Variants in TNIK observed in about 807,000 individuals in gnomAD.
TNIK encodes the protein TRAF2 and NCK-interacting protein kinase.
A neutral mutation model predicts 191.3 loss-of-function variants in TNIK; 49 were observed. That is an observed-to-expected ratio of 0.26 (90% CI 0.20 to 0.32). TNIK has a LOEUF of 0.32. TNIK is among the 10% of genes least tolerant of loss of function. The pLI, the probability that TNIK is intolerant of heterozygous loss-of-function variation, is 1.00. For missense variants in TNIK, 1,155 were observed against 1,702.3 expected, an observed-to-expected ratio of 0.68 and a Z score of 5.66; for synonymous variants, 594 against 600.9, an observed-to-expected ratio of 0.99 and a Z score of 0.17.
At chr3:171,194,258 C>G (rs1738394349) in intron 5 of TNIK, among the ~76,000 whole-genome samples, 1 of 151,964 alleles carries the variant, frequency 6.6e-6, no homozygotes, top group African/African-American at 2.4e-5. Flanking sequence ...AAAATGAATC[C>G]CTTGTTAAGA....
chr3:171,116,528 C>G (rs1251494065), intron 18 of TNIK, among the ~76,000 whole-genome samples: 3 of 152,164 alleles, frequency 2.0e-5, no homozygotes, highest in African/African-American at 7.2e-5. Flanking sequence ...AATTTTGTGG[C>G]CCAAATACTT....
At chr3:171,167,713 G>A (rs549093065) in intron 9 of TNIK, among the ~76,000 whole-genome samples, 25 of 152,268 alleles carry the variant, frequency 1.6e-4, no homozygotes, top group African/African-American at 6.0e-4. Context: ...TGAGAATAAT[G>A]TATGTTGGGG....
At chr3:171,145,087 T>TCTCC (rs1249808383) in intron 12 of TNIK, among the ~76,000 whole-genome samples, 1 of 108,176 alleles carries the variant, frequency 9.2e-6, no homozygotes, top group East Asian at 2.3e-4. Context: ...GCTATCTCTC[T>TCTCC]CTTTTTTTTT....
In TNIK at chr3:171,087,388, A is replaced by C; in HGVS notation, c.2840T>G (p.Leu947Arg). Reference protein sequence around the residue: ...HSPAGTPTEGLGRVSTHSQEM... With the variant: ...HSPAGTPTEGRGRVSTHSQEM... ...CTGGGAATGGGTTGAGACGCGCCCC[A>C]GTCCCTCAGTCGGGGTTCCAGCTGG... is the stretch of plus-strand genomic sequence containing the variant. The change falls in exon 24 of 33, where the codon CTG becomes CGG. Residue 947 changes from leucine to arginine, a missense_variant. Transcript: ENST00000436636. 3 of 1,613,992 alleles carry C rather than the reference A, an allele frequency of 1.9e-6. No homozygotes were observed. The highest frequency in any genetic ancestry group is 2.5e-6 in the Non-Finnish European group (3 of 1,179,888).
At chr3:171,388,962 C>T (rs1212784799) in intron 1 of TNIK, among the ~76,000 whole-genome samples, 1 of 152,092 alleles carries the variant, frequency 6.6e-6, no homozygotes, top group African/African-American at 2.4e-5. Flanking sequence ...CAGTGTTACA[C>T]AAAGGAGTTG....
At chr3:171,227,066 G>A (rs1743050869) in intron 3 of TNIK, among the ~76,000 whole-genome samples, 1 of 151,986 alleles carries the variant, frequency 6.6e-6, no homozygotes, top group African/African-American at 2.4e-5. Flanking sequence ...TAGCTTTCAT[G>A]TACAGCAGAC....
intron 1 of TNIK, among the ~76,000 whole-genome samples, chr3:171,372,459 G>A (rs903616226): frequency 5.3e-5 from 8 of 152,166 alleles, no homozygotes; most frequent in Non-Finnish European, 1.0e-4. Flanking sequence ...AACACCTGCC[G>A]GGGAGTAAAG....
At position 171,334,137 on chromosome 3, in the gene TNIK, G is replaced by C. The variant is rs547221701; in HGVS notation, c.123+35483C>G. Among the ~76,000 whole-genome samples the C allele has an allele frequency of 3.3e-5, 5 of 152,196 alleles. No individual in the cohort carries two copies. In the South Asian group the frequency reaches 1.0e-3, roughly 31 times the overall value. On this transcript the variant is annotated intron_variant, in intron 2 of 32. Transcript: ENST00000436636. ...GGCTGATCACAATGACTGTGCACCA[G>C]ACACCAGGGTGCTTGTCCTAGAACA...
At chr3:171,283,230 G>C (rs1560370091) in intron 2 of TNIK, among the ~76,000 whole-genome samples, 2 of 150,852 alleles carry the variant, frequency 1.3e-5, no homozygotes, top group Non-Finnish European at 2.9e-5. Context: ...CGTGTCTGGA[G>C]AGAAGGAACT....
chr3:171,178,380 A>G (rs569507931), intron 7 of TNIK, among the ~76,000 whole-genome samples: 1 of 152,348 alleles, frequency 6.6e-6, no homozygotes, highest in South Asian at 2.1e-4. Context: ...AGGTACTCAA[A>G]GTATTTGTTG....
chr3:171,079,732 A>G (rs114275242), intron 27 of TNIK, 80 bp from the exon 28 acceptor site: 55,445 of 1,444,906 alleles, frequency 0.038, 1,278 homozygotes, highest in Non-Finnish European at 0.043. Context: ...TTTATTTCTA[A>G]TTTATTTTAT....
At chr3:171,300,897 A>C (rs1752808557) in intron 2 of TNIK, among the ~76,000 whole-genome samples, 1 of 152,194 alleles carries the variant, frequency 6.6e-6, no homozygotes, top group Admixed American at 6.5e-5. Flanking sequence ...AGTAACAATT[A>C]GTGTTCAATT....
At chr3:171,419,177 A>G (rs960049416) in intron 1 of TNIK, among the ~76,000 whole-genome samples, 1 of 152,238 alleles carries the variant, frequency 6.6e-6, no homozygotes, top group African/African-American at 2.4e-5. Flanking sequence ...CAGGGGATAC[A>G]AACATTCATT....
intron 1 of TNIK, among the ~76,000 whole-genome samples, chr3:171,447,567 T>A (rs1376727940): frequency 2.0e-5 from 3 of 152,254 alleles, no homozygotes; most frequent in African/African-American, 7.2e-5. Context: ...CAGTCAGTCG[T>A]AAGCTCAGCC....
chr3:171,271,245 T>C (rs1305686007), intron 2 of TNIK, among the ~76,000 whole-genome samples: 1 of 152,258 alleles, frequency 6.6e-6, no homozygotes, highest in Non-Finnish European at 1.5e-5. Flanking sequence ...AGCATTTACT[T>C]GCACTTCTGC....
chr3:171,089,855 AT>A (rs901530292), intron 23 of TNIK, among the ~76,000 whole-genome samples: 1 of 152,178 alleles, frequency 6.6e-6, no homozygotes, highest in African/African-American at 2.4e-5. Flanking sequence ...TATATATGAC[AT>A]TCCATCAATT....
At chr3:171,198,243 A>C (rs1738953775) in intron 4 of TNIK, among the ~76,000 whole-genome samples, 1 of 146,774 alleles carries the variant, frequency 6.8e-6, no homozygotes, top group Non-Finnish European at 1.5e-5. Context: ...AGCCTGGGTG[A>C]CAGAGCCAGA....
chr3:171,077,077 C>T (rs1720057219), intron 28 of TNIK, among the ~76,000 whole-genome samples: 1 of 142,340 alleles, frequency 7.0e-6, no homozygotes, highest in Admixed American at 7.1e-5. Flanking sequence ...TTGTTCCCCC[C>T]CCCCTTTTTT....
intron 1 of TNIK, among the ~76,000 whole-genome samples, chr3:171,371,318 G>C (rs1182557831): frequency 6.6e-6 from 1 of 152,134 alleles, no homozygotes; most frequent in Non-Finnish European, 1.5e-5. Flanking sequence ...CCAATCTGTG[G>C]TAAATCAAAC....
Sources: gnomAD v4.1 joint callset for allele counts (sites outside exome capture counted in the v4.1 genomes callset) on GRCh38, gnomAD v4.1.1 for gene constraint, MANE v1.5 for transcripts, NCBI Gene and HGNC (gene_info 2026-07-23, HGNC 2026-07-21) for gene names.